The following NBEA variants were observed in gnomAD, a reference collection of about 807,000 sequenced individuals.
The protein encoded by NBEA is lysosomal-trafficking regulator 2.
NBEA carries 44 observed loss-of-function variants against 343.4 expected under a neutral mutation model. The observed-to-expected ratio is 0.13, with a 90% confidence interval of 0.10 to 0.16. NBEA has a LOEUF of 0.16. NBEA is among the 10% of genes least tolerant of loss of function. The probability of loss-of-function intolerance (pLI) is 1.00; values close to 1 mark genes in which losing one functional copy is unlikely to be tolerated. For synonymous variants in NBEA, 1,175 were observed against 1,238.7 expected (o/e 0.95, Z 1.08); for missense variants, 2,555 against 3,631.3 (o/e 0.70, Z 7.62).
At chr13:35,586,635 A>G (rs1199890890) in intron 46 of NBEA, among the ~76,000 whole-genome samples, 3 of 152,244 alleles carry the variant, frequency 2.0e-5, no homozygotes, top group African/African-American at 7.2e-5. Flanking sequence ...TTCTTGAGAA[A>G]TACTTTTTAA....
chr13:35,574,883 G>A (rs1389213129), intron 45 of NBEA, among the ~76,000 whole-genome samples: 1 of 85,554 alleles, frequency 1.2e-5, no homozygotes, highest in African/African-American at 5.3e-5. Flanking sequence ...CCCAGTAGCT[G>A]GGATTAAAGG....
chr13:34,975,164 G>A (rs2060122306), intron 1 of NBEA, among the ~76,000 whole-genome samples: 1 of 152,094 alleles, frequency 6.6e-6, no homozygotes, highest in African/African-American at 2.4e-5. Context: ...TAAGTTCTGT[G>A]AGAAAATTAC....
intron 48 of NBEA, among the ~76,000 whole-genome samples, chr13:35,620,040 G>C (rs2153059803): frequency 1.3e-5 from 2 of 152,172 alleles, no homozygotes; most frequent in Admixed American, 1.3e-4. Flanking sequence ...GGCTTCAGAA[G>C]GTGCACTCTA....
At chr13:35,419,358 C>T (rs542666159) in intron 38 of NBEA, among the ~76,000 whole-genome samples, 1 of 152,092 alleles carries the variant, frequency 6.6e-6, no homozygotes, top group African/African-American at 2.4e-5. Flanking sequence ...GAACAGGCTC[C>T]CTTGAGCCTA....
At chr13:35,487,456 T>A (rs1031023137) in intron 41 of NBEA, among the ~76,000 whole-genome samples, 7 of 151,946 alleles carry the variant, frequency 4.6e-5, no homozygotes, top group Non-Finnish European at 1.0e-4. Context: ...AAGTCAGACA[T>A]TTTATATCAG....
chr13:35,155,334 C>G (rs1348844147), intron 18 of NBEA, among the ~76,000 whole-genome samples: 1 of 151,820 alleles, frequency 6.6e-6, no homozygotes, highest in East Asian at 1.9e-4. Flanking sequence ...ATTAAAAAGT[C>G]TCTTTAGGGC....
intron 38 of NBEA, among the ~76,000 whole-genome samples, chr13:35,422,090 TTG>T (rs1491330818): frequency 2.6e-5 from 2 of 77,298 alleles, no homozygotes; most frequent in African/African-American, 1.6e-4. Context: ...TTTTGTTTGT[TTG>T]TTTTTTTTTT....
At chr13:35,274,499 CA>C (rs1264492165) in intron 34 of NBEA, among the ~76,000 whole-genome samples, 1 of 152,018 alleles carries the variant, frequency 6.6e-6, no homozygotes, top group Admixed American at 6.6e-5. Flanking sequence ...ACATAGTATT[CA>C]AAGTTCTGGC....
chr13:35,251,571 G>A (rs905230076), intron 34 of NBEA: 121 of 1,202,740 alleles, frequency 1.0e-4, no homozygotes, highest in South Asian at 1.3e-4. Context: ...TCAGGAAGGC[G>A]TTCACAGAAG....
intron 30 of NBEA, 148 bp downstream of exon 30, chr13:35,184,219 T>C (rs2071524091): frequency 1.9e-6 from 1 of 525,772 alleles, no homozygotes; most frequent in East Asian, 3.3e-5. Context: ...ACCTAGCTAT[T>C]GAGAGCGAAG....
chr13:35,235,686 C>T (rs1357832565), intron 34 of NBEA, among the ~76,000 whole-genome samples: 1 of 152,154 alleles, frequency 6.6e-6, no homozygotes, highest in Non-Finnish European at 1.5e-5. Context: ...GTAGTTATTT[C>T]CCAGAATCTT....
intron 22 of NBEA, among the ~76,000 whole-genome samples, chr13:35,160,908 C>G (rs1332093729): frequency 6.6e-6 from 1 of 152,090 alleles, no homozygotes; most frequent in Non-Finnish European, 1.5e-5. Flanking sequence ...CTCTGGGTGC[C>G]CCACTTGCCT....
chr13:35,028,086 C>T (rs1420818289), intron 1 of NBEA, among the ~76,000 whole-genome samples: 1 of 151,836 alleles, frequency 6.6e-6, no homozygotes, highest in Non-Finnish European at 1.5e-5. Context: ...TATAGCAAGT[C>T]TTAAAATTAG....
intron 55 of NBEA, among the ~76,000 whole-genome samples, chr13:35,663,307 G>T (rs1429293657): frequency 6.6e-6 from 1 of 152,096 alleles, no homozygotes; most frequent in African/African-American, 2.4e-5. Context: ...CCACTATTCT[G>T]TTTATTTCCT....
chr13:35,664,097 G>A (rs1296910108), intron 55 of NBEA, among the ~76,000 whole-genome samples: 1 of 152,172 alleles, frequency 6.6e-6, no homozygotes, highest in East Asian at 1.9e-4. Context: ...ACTCTCTGTG[G>A]CTTCCCTCTT....
chr13:35,444,620 A>C (rs949289406), intron 39 of NBEA, among the ~76,000 whole-genome samples: 1 of 152,034 alleles, frequency 6.6e-6, no homozygotes, highest in Non-Finnish European at 1.5e-5. Context: ...ATTACCTGAT[A>C]ATACATTTAG....
At chr13:35,405,869 C>T (rs9530540) in intron 38 of NBEA, among the ~76,000 whole-genome samples, 82,808 of 151,964 alleles carry the variant, frequency 0.54, 24,729 homozygotes, top group South Asian at 0.68. Context: ...GTAGAATTAG[C>T]TATTTCACAA....
chr13:35,110,406 GTA>G (rs1235393331), intron 12 of NBEA, among the ~76,000 whole-genome samples: 1 of 152,026 alleles, frequency 6.6e-6, no homozygotes. Flanking sequence ...ACAAAAATAT[GTA>G]TGTTTTCAGA....
chr13:35,508,669 A>G (rs902551442), intron 41 of NBEA, among the ~76,000 whole-genome samples: 1 of 152,154 alleles, frequency 6.6e-6, no homozygotes, highest in African/African-American at 2.4e-5. Context: ...AAAGGAAGGT[A>G]GTGCTGGAAT....
Sources: allele counts gnomAD v4.1 joint callset (sites outside exome capture counted in the v4.1 genomes callset), GRCh38; gene constraint gnomAD v4.1.1; transcripts MANE v1.5; gene names NCBI Gene and HGNC (gene_info 2026-07-23, HGNC 2026-07-21).